Variants in TSG101 observed in about 807,000 individuals in gnomAD.
TSG101 encodes the protein tumor susceptibility 101, also known as tumor susceptibility gene 101 protein.
TSG101 carries 19 observed loss-of-function variants against 48.5 expected under a neutral mutation model. The observed-to-expected ratio is 0.39, with a 90% CI of 0.27 to 0.58. TSG101 has a LOEUF of 0.58. Ranked by LOEUF, TSG101 falls within the 20% of genes least tolerant of loss-of-function variation. The probability of loss-of-function intolerance (pLI) is 0.55; values close to 1 mark genes in which losing one functional copy is unlikely to be tolerated. For missense variants in TSG101, 365 were observed against 484.4 expected (o/e 0.75, Z 2.31); for synonymous variants, 174 against 169.4 (o/e 1.03, Z -0.21).
intron 7 of TSG101, among the ~76,000 whole-genome samples, chr11:18,499,269 A>C (rs1482282383): frequency 7.6e-6 from 1 of 131,094 alleles, no homozygotes; most frequent in East Asian, 2.1e-4. Context: ...TATATTTTAT[A>C]TATATTTATA....
In TSG101 at chr11:18,499,056, A is replaced by G. The variant is rs574008498; in HGVS notation, c.640+3430T>C. On this transcript the variant is annotated intron_variant, in intron 7 of 9. Transcript: ENST00000251968. The stretch of plus-strand genomic sequence containing the variant: ...AGCAAAATGGTATGAGAAAAAGTCC[A>G]AAAGGAGGTTTAAGAGAAAAACGGA... Among the ~76,000 whole-genome samples, 3 of 151,632 alleles carry G rather than the reference A, an allele frequency of 2.0e-5. No homozygotes were observed. The East Asian group carries it at 5.8e-4, about 29-fold the overall frequency.
intron 7 of TSG101, among the ~76,000 whole-genome samples, chr11:18,500,857 G>A (rs1185775796): frequency 1.3e-5 from 2 of 151,674 alleles, no homozygotes; most frequent in Non-Finnish European, 2.9e-5. Context: ...AGGGTGGAGT[G>A]CAGTGGTGCG....
intron 2 of TSG101, among the ~76,000 whole-genome samples, chr11:18,517,368 ATAATT>A (rs1196697138): frequency 6.6e-6 from 1 of 152,190 alleles, no homozygotes; most frequent in African/African-American, 2.4e-5. Flanking sequence ...TTTTCTATCT[ATAATT>A]TATGTCTATA....
At chr11:18,500,097 A>G (rs1183835980) in intron 7 of TSG101, among the ~76,000 whole-genome samples, 1 of 152,074 alleles carries the variant, frequency 6.6e-6, no homozygotes, top group Non-Finnish European at 1.5e-5. Context: ...AGAACATTTG[A>G]TATTTGTCTT....
At chr11:18,510,020 C>G (rs569324276) in intron 4 of TSG101, among the ~76,000 whole-genome samples, 1 of 152,188 alleles carries the variant, frequency 6.6e-6, no homozygotes, top group Non-Finnish European at 1.5e-5. Flanking sequence ...TGAATATGAG[C>G]AACAGTCACA....
Position 18,481,499 on chromosome 11 carries a change from A to T in TSG101, c.1083+131T>A, listed in dbSNP as rs1849539479. Reference sequence around the variant, plus strand: ...AAGATGGTGCAAAACCCTACATCTCATTTAGTGTTTTTTGGGAAGATAAAG... The same window carrying T: ...AAGATGGTGCAAAACCCTACATCTCTTTTAGTGTTTTTTGGGAAGATAAAG... On this transcript the variant is annotated intron_variant, in intron 9 of 9. Coordinates refer to ENST00000251968, the MANE Select transcript of TSG101 (RefSeq NM_006292.4). 6 of 1,458,308 alleles carry T rather than the reference A, an allele frequency of 4.1e-6. No individual in the cohort carries two copies. In the African/African-American group the frequency reaches 7.1e-5, roughly 17 times the overall value. 90.3% of individuals were successfully genotyped at this position (1,458,308 alleles called of 1,614,324 possible).
At chr11:18,503,220 AT>A (rs887699914) in intron 6 of TSG101, among the ~76,000 whole-genome samples, 1 of 152,146 alleles carries the variant, frequency 6.6e-6, no homozygotes, top group Non-Finnish European at 1.5e-5. Flanking sequence ...ATCTTTCTCT[AT>A]TTAACATTAA....
At position 18,526,755 on chromosome 11, in the gene TSG101, C is replaced by G; in HGVS notation, c.42+20G>C. On this transcript the variant is annotated intron_variant, in intron 1 of 9. Transcript: ENST00000251968. ...GGAGCGGTGGGCGCGCCCTGGGAGGCGAGCGCGTCGCAGCCTCACCTTGGA... is the reference window on the plus strand; with the variant it reads ...GGAGCGGTGGGCGCGCCCTGGGAGGGGAGCGCGTCGCAGCCTCACCTTGGA... The G allele has an allele frequency of 6.3e-7, 1 of 1,598,804 alleles. No homozygotes were observed.
intron 4 of TSG101, chr11:18,511,532 T>A (rs917758613): frequency 6.6e-6 from 1 of 152,192 alleles, no homozygotes; most frequent in Non-Finnish European, 1.5e-5. Flanking sequence ...CTGTGGCTGG[T>A]GTGTGTGGGG....
rs1485490320 is a variant in TSG101 at position 18,499,285 on chromosome 11, C to A, written c.640+3201G>T. Reference sequence around the variant, plus strand: ...ATATTTTATATATATTTATATATATCATATATATTTATATTTATATATTTA... The same window carrying A: ...ATATTTTATATATATTTATATATATAATATATATTTATATTTATATATTTA... On this transcript the variant is annotated intron_variant, in intron 7 of 9. Transcript: ENST00000251968. Among the ~76,000 whole-genome samples the A allele has an allele frequency of 2.3e-4, 22 of 95,748 alleles. No homozygotes were observed. The East Asian group carries it at 6.1e-3, about 27-fold the overall frequency. The allele number at this position is 95,748 out of a possible 152,430, so 62.8% of individuals were successfully genotyped here.
At chr11:18,489,280 C>G (rs146261234) in intron 7 of TSG101, among the ~76,000 whole-genome samples, 1 of 149,968 alleles carries the variant, frequency 6.7e-6, no homozygotes, top group Non-Finnish European at 1.5e-5. Flanking sequence ...GGCTGGAGTG[C>G]GGTTATTTCA....
chr11:18,483,358 T>C (rs1849572603), intron 8 of TSG101, among the ~76,000 whole-genome samples: 1 of 152,022 alleles, frequency 6.6e-6, no homozygotes, highest in African/African-American at 2.4e-5. Context: ...TAGCCAAGCA[T>C]GGTGGCAGGC....
At chr11:18,511,946 T>C (rs1410601767) in intron 4 of TSG101, among the ~76,000 whole-genome samples, 1 of 151,408 alleles carries the variant, frequency 6.6e-6, no homozygotes, top group Non-Finnish European at 1.5e-5. Context: ...TCAGAATTCA[T>C]TAATGTGGTA....
intron 7 of TSG101, chr11:18,490,221 G>C: frequency 2.0e-6 from 1 of 494,184 alleles, no homozygotes. Flanking sequence ...AGATTACAAA[G>C]CACAAGAAAC....
intron 4 of TSG101, among the ~76,000 whole-genome samples, chr11:18,510,589 C>T (rs1281098794): frequency 6.6e-6 from 1 of 152,094 alleles, no homozygotes; most frequent in East Asian, 1.9e-4. Context: ...GAGCACTGGC[C>T]AGGGGTGGTG....
At chr11:18,483,153 G>T (rs1394093327) in intron 8 of TSG101, among the ~76,000 whole-genome samples, 1 of 152,072 alleles carries the variant, frequency 6.6e-6, no homozygotes, top group Non-Finnish European at 1.5e-5. Context: ...TTTATCAGGG[G>T]TTCCAGCTTT....
chr11:18,488,596 C>T (rs915428576), intron 7 of TSG101, among the ~76,000 whole-genome samples: 4 of 152,088 alleles, frequency 2.6e-5, no homozygotes, highest in Admixed American at 2.0e-4. Flanking sequence ...AAGAGCAACA[C>T]CGTGTTGAGA....
chr11:18,483,495 A>G, intron 8 of TSG101, among the ~76,000 whole-genome samples: 1 of 111,450 alleles, frequency 9.0e-6, no homozygotes, highest in South Asian at 4.6e-4. Context: ...AACTCTCAAA[A>G]AAAAAAAAAA....
chr11:18,521,498 A>T (rs1029692637), intron 1 of TSG101, among the ~76,000 whole-genome samples: 1 of 149,890 alleles, frequency 6.7e-6, no homozygotes, highest in Non-Finnish European at 1.5e-5. Context: ...CCTCCCAAGT[A>T]GCTGGGACTA....
Sources: gnomAD v4.1 joint callset for allele counts (sites outside exome capture counted in the v4.1 genomes callset) on GRCh38, gnomAD v4.1.1 for gene constraint, MANE v1.5 for transcripts, NCBI Gene and HGNC (gene_info 2026-07-23, HGNC 2026-07-21) for gene names.